PDZD4: variants seen among roughly 807,000 people sequenced by gnomAD.
PDZD4 encodes the protein PDZ domain containing 4, also known as PDZ domain-containing protein 4.
Under a neutral mutation model 38.5 loss-of-function variants are expected in PDZD4, and 9 were observed. The observed-to-expected ratio is 0.23, with a 90% CI of 0.14 to 0.41. PDZD4 has a LOEUF of 0.41. PDZD4 is among the 10% of genes least tolerant of loss of function. The pLI is 1.00. For missense variants in PDZD4, 612 were observed against 722.0 expected (o/e 0.85, Z 1.75); for synonymous variants, 349 against 315.7 (o/e 1.11, Z -1.12).
intron 1 of PDZD4, chrX:153,829,640 G>T: frequency 1.5e-6 from 1 of 679,184 alleles, no homozygotes; most frequent in Non-Finnish European, 1.8e-6. Flanking sequence ...TTCCCTCCCC[G>T]CGGGGCCCTG....
Position 153,808,840 on chromosome X carries a change from G to A in PDZD4, c.61-245C>T, listed in dbSNP as rs782110560. Reference sequence around the variant, plus strand: ...TCACCAAGTCACACCAAGGACTGGGGGACCCAGCCTCTGTGCACTGGGTCT... The same window carrying A: ...TCACCAAGTCACACCAAGGACTGGGAGACCCAGCCTCTGTGCACTGGGTCT... On this transcript the variant is annotated intron_variant, in intron 1 of 7. Transcript: ENST00000393758. Among the ~76,000 whole-genome samples, 80 of 113,066 alleles carry A rather than the reference G, an allele frequency of 7.1e-4. 2 individuals carry two copies. The highest frequency in any genetic ancestry group is 3.9e-4 in the Non-Finnish European group (21 of 53,322).
chrX:153,814,480 A>ACCCCCCCCCCCCCCCCACC (rs35283380), intron 1 of PDZD4, among the ~76,000 whole-genome samples: 1 of 53,851 alleles, frequency 1.9e-5, no homozygotes, highest in Admixed American at 2.6e-4. Flanking sequence ...TCCACCCCCC[A>ACCCCCCCCCCCCCCCCACC]CCCCCCCCCC....
chrX:153,814,500 T>G (rs1318533491), intron 1 of PDZD4, among the ~76,000 whole-genome samples: 4 of 65,061 alleles, frequency 6.1e-5, no homozygotes, highest in African/African-American at 2.5e-4. Context: ...CAAAAAAAAG[T>G]CTCCTTCATC....
At chrX:153,814,903 G>C in intron 1 of PDZD4, among the ~76,000 whole-genome samples, 1 of 112,116 alleles carries the variant, frequency 8.9e-6, no homozygotes, top group Non-Finnish European at 1.9e-5. Context: ...TGTTCACAAA[G>C]ACCCCTCCTC....
intron 1 of PDZD4, among the ~76,000 whole-genome samples, chrX:153,823,767 G>A (rs113328579): frequency 0.01 from 1,159 of 112,333 alleles, 18 homozygotes; most frequent in African/African-American, 0.036. Context: ...GCCCTCGGAC[G>A]CAAGCACTCT....
chrX:153,830,218 C>T, intron 1 of PDZD4, 21 bp downstream of exon 1: 1 of 1,189,363 alleles, frequency 8.4e-7, no homozygotes, highest in Non-Finnish European at 1.1e-6. Context: ...CGCGCCCCCG[C>T]CGCAGCGCCG....
Position 153,826,238 on chromosome X carries a change from GAAAGA to G in PDZD4, c.60+3996_60+4000del, listed in dbSNP as rs1234019535. Among the ~76,000 whole-genome samples, 5 of 105,196 alleles carry G rather than the reference GAAAGA, an allele frequency of 4.8e-5. No homozygotes were observed. The East Asian group carries it at 1.5e-3, about 31-fold the overall frequency. 91.4% of individuals were successfully genotyped at this position (105,196 alleles called of 115,157 possible). On this transcript the variant is annotated intron_variant, in intron 1 of 7. Transcript: ENST00000393758. Reference sequence around the variant, plus strand: ...TCTCAAAAAAAAAAAAAAAAAGAAAGAAAGAAAAGAAAAGAAATCAAAGCCATCCA... The same window carrying G: ...TCTCAAAAAAAAAAAAAAAAAGAAAGAAAGAAAAGAAATCAAAGCCATCCA...
At position 153,830,420 on chromosome X, in the gene PDZD4, C is replaced by T; in HGVS notation, c.-122G>A. 3.7e-6 allele frequency: 2 copies of T among 534,012 alleles called. No individual in the cohort carries two copies. Among genetic ancestry groups the T allele is most frequent in the South Asian group, 3.5e-5 (1 of 28,749 alleles). 44.0% of individuals were successfully genotyped at this position (534,012 alleles called of 1,213,427 possible). On this transcript the variant is annotated 5_prime_UTR_variant, in exon 1 of 8. Transcript: ENST00000393758. Reference sequence around the variant, plus strand: ...CCATACCCTGGCGCGGGGGGCGGGCCGCCTAGCGGGGGAGGGGGGCACGCC... The same window carrying T: ...CCATACCCTGGCGCGGGGGGCGGGCTGCCTAGCGGGGGAGGGGGGCACGCC...
At chrX:153,823,615 G>A (rs1194452329) in intron 1 of PDZD4, among the ~76,000 whole-genome samples, 1 of 112,061 alleles carries the variant, frequency 8.9e-6, no homozygotes, top group East Asian at 2.8e-4. Context: ...GCCTCCCAAA[G>A]TGCTGGGATT....
intron 1 of PDZD4, 74 bp from the exon 2 acceptor site, chrX:153,808,669 T>C: frequency 9.5e-7 from 1 of 1,055,806 alleles, no homozygotes; most frequent in South Asian, 2.5e-5. Context: ...GCAGAGGCCC[T>C]AGCTGGCAGG....
chrX:153,804,435 C>T lies in PDZD4; in HGVS notation c.1246G>A (p.Glu416Lys), dbSNP rs374994165. ...AMLEEELRHL[E>K]FKCRNILRAQ... ...CGCAGTATGTTGCGGCACTTGAATT[C>T]CAGGTGCCTTAGCTCCTCCTCCAGC... Residue 416 changes from glutamate to lysine, a missense_variant, in exon 8 of 8, where the codon GAA becomes AAA. This residue lies in a region of PDZD4 where 300 missense variants were observed against 284.6 expected (regional missense o/e 1.05). Transcript: ENST00000393758. The T allele has an allele frequency of 8.3e-7, 1 of 1,208,732 alleles. No individual in the cohort carries two copies. The highest frequency in any genetic ancestry group is 1.1e-6 in the Non-Finnish European group (1 of 895,239).
intron 2 of PDZD4, chrX:153,807,846 C>T (rs2064269161): frequency 1.0e-6 from 1 of 975,483 alleles, no homozygotes; most frequent in African/African-American, 2.0e-5. Context: ...GGCCCTGTGG[C>T]CTACCTCCCC....
chrX:153,808,577 A>G lies in PDZD4; in HGVS notation c.79T>C (p.Ser27Pro), dbSNP rs782337619. The G allele has an allele frequency of 8.5e-7, 1 of 1,177,975 alleles. No individual in the cohort carries two copies. Among genetic ancestry groups the G allele is most frequent in the Non-Finnish European group, 1.1e-6 (1 of 878,569 alleles). ...AGAGTTTGCTCCTGAGACAGCTTGG[A>G]GAGCTCCTTCCCGTTCACCTGCGGC... ...VMLQVNGKELSKLSQEQTLQA... is the reference protein window; with the variant it reads ...VMLQVNGKELPKLSQEQTLQA... The change falls in exon 2 of 8, where the codon TCC becomes CCC. Residue 27 changes from serine to proline, a missense_variant. Around this residue, in one of 3 missense-constraint regions of PDZD4, gnomAD observed 225 missense variants for 311.0 expected, o/e 0.72. Coordinates refer to ENST00000393758, the MANE Select transcript of PDZD4 (RefSeq NM_001303512.2).
intron 1 of PDZD4, among the ~76,000 whole-genome samples, chrX:153,822,652 CCTCT>C (rs782265290): frequency 4.0e-5 from 4 of 99,725 alleles, no homozygotes; most frequent in East Asian, 6.3e-4. Flanking sequence ...TCCCTCCCTC[CCTCT>C]CTCTCTCTCT....
At chrX:153,824,290 C>T (rs1557082000) in intron 1 of PDZD4, among the ~76,000 whole-genome samples, 1 of 111,091 alleles carries the variant, frequency 9.0e-6, no homozygotes. Context: ...TGACCTGGTC[C>T]AGAAGATGGC....
chrX:153,815,461 C>G (rs1480531767), intron 1 of PDZD4, among the ~76,000 whole-genome samples: 2 of 112,528 alleles, frequency 1.8e-5, no homozygotes, highest in African/African-American at 6.5e-5. Context: ...GTAAAGTGGT[C>G]AAATTTCTGG....
rs782004466 is a variant in PDZD4 at position 153,830,233 on chromosome X, C to T, written c.60+6G>A. 4 of 1,194,584 alleles carry T rather than the reference C, an allele frequency of 3.3e-6. No homozygotes were observed. Among genetic ancestry groups the T allele is most frequent in the Non-Finnish European group, 4.5e-6 (4 of 887,000 alleles). On this transcript the variant is annotated splice_donor_region_variant and intron_variant, in intron 1 of 7. Coordinates refer to ENST00000393758, the MANE Select transcript of PDZD4 (RefSeq NM_001303512.2). Reference sequence around the variant, plus strand: ...CGCGCCCCCGCCGCAGCGCCGGCGGCCCTACCTGCAGCATCACTTTGTACT... The same window carrying T: ...CGCGCCCCCGCCGCAGCGCCGGCGGTCCTACCTGCAGCATCACTTTGTACT...
intron 1 of PDZD4, chrX:153,829,846 G>A: frequency 1.3e-6 from 1 of 772,170 alleles, no homozygotes; most frequent in Non-Finnish European, 1.5e-6. Flanking sequence ...GGACGCCCAC[G>A]CACTCCCACG....
chrX:153,805,298 C>A, intron 6 of PDZD4, 91 bp from the exon 7 acceptor site: 3 of 888,124 alleles, frequency 3.4e-6, no homozygotes, highest in Non-Finnish European at 4.9e-6. Context: ...TGGCTTGTTT[C>A]GGTGAAGCTC....
Sources: allele counts gnomAD v4.1 joint callset (sites outside exome capture counted in the v4.1 genomes callset), GRCh38; gene constraint gnomAD v4.1.1; regional missense constraint gnomAD v4.1.1; transcripts MANE v1.5; gene names NCBI Gene and HGNC (gene_info 2026-07-23, HGNC 2026-07-21).